IQSEC1: variants seen among roughly 807,000 people sequenced by gnomAD.
IQSEC1 encodes IQ motif and SEC7 domain-containing protein 1.
A neutral mutation model predicts 91.0 loss-of-function variants in IQSEC1; 31 were observed. That is an observed-to-expected ratio of 0.34 (90% CI 0.26 to 0.46). The LOEUF (loss-of-function observed/expected upper bound fraction) is 0.46. Ranked by LOEUF, IQSEC1 falls within the 20% of genes least tolerant of loss-of-function variation. IQSEC1 has a pLI of 1.00. For synonymous variants in IQSEC1, 699 were observed against 662.6 expected (o/e 1.05, Z -0.84); for missense variants, 1,388 against 1,575.6 (o/e 0.88, Z 2.02).
At chr3:13,079,268 G>T (rs748941105) in intron 2 of IQSEC1, among the ~76,000 whole-genome samples, 1 of 152,188 alleles carries the variant, frequency 6.6e-6, no homozygotes, top group African/African-American at 2.4e-5. Flanking sequence ...TAAACCTCAC[G>T]CTCCATCTGC....
At chr3:12,976,610 G>A (rs1012048076) in intron 1 of IQSEC1, among the ~76,000 whole-genome samples, 9 of 152,074 alleles carry the variant, frequency 5.9e-5, no homozygotes, top group Admixed American at 2.6e-4. Flanking sequence ...CTGAACCTTC[G>A]TCCACATTCT....
chr3:13,022,194 C>T lies in IQSEC1; in HGVS notation c.23+50798G>A, dbSNP rs185622084. The T allele has an allele frequency of 2.3e-5, 28 of 1,231,016 alleles. No individual in the cohort carries two copies. The South Asian group carries it at 3.7e-4, about 16-fold the overall frequency. The allele number at this position is 1,231,016 out of a possible 1,614,324, so 76.3% of individuals were successfully genotyped here. On this transcript the variant is annotated intron_variant, in intron 1 of 13. Transcript: ENST00000613206. ...CCTGGCCAGGGAACGGCTCTCTTCA[C>T]GGATTTTCAGGTCCCTTCCTTCTTC...
intron 1 of IQSEC1, among the ~76,000 whole-genome samples, chr3:13,175,242 C>A (rs190735479): frequency 1.3e-5 from 2 of 152,310 alleles, no homozygotes; most frequent in Non-Finnish European, 2.9e-5. Flanking sequence ...TACTTCACCT[C>A]TCTGGGCCCA....
intron 2 of IQSEC1, among the ~76,000 whole-genome samples, chr3:13,114,866 A>G (rs1706309871): frequency 6.6e-6 from 1 of 151,302 alleles, no homozygotes; most frequent in Non-Finnish European, 1.5e-5. Context: ...CAAAGAGAAG[A>G]GCCAAGCACT....
rs1702136410 is a variant in IQSEC1 at position 12,994,375 on chromosome 3, G to A, written c.24-52510C>T. 6.6e-6 allele frequency among the ~76,000 whole-genome samples: 1 copy of A among 151,836 alleles called. No homozygotes were observed. The highest frequency in any genetic ancestry group is 2.1e-4 in the South Asian group (1 of 4,832). On this transcript the variant is annotated intron_variant, in intron 1 of 13. Coordinates refer to ENST00000613206, the MANE Select transcript of IQSEC1 (RefSeq NM_001134382.3). This position sits in a 1 kb window ranked among gnomAD's most constrained non-coding sequence, Gnocchi z 4.5. ...GCTGTGCTAGGGGGCGGGGAGGACG[G>A]TGCCGCCCCGGCCGCCGACGTCACC...
intron 1 of IQSEC1, among the ~76,000 whole-genome samples, chr3:13,164,959 T>C (rs1693458933): frequency 1.3e-5 from 2 of 152,198 alleles, no homozygotes; most frequent in South Asian, 4.1e-4. Context: ...GTCTTTTTGT[T>C]CATTGCCTTT....
At chr3:13,274,718 G>A (rs1486821710) in intron 1 of IQSEC1, among the ~76,000 whole-genome samples, 1 of 152,148 alleles carries the variant, frequency 6.6e-6, no homozygotes, top group Admixed American at 6.5e-5. Flanking sequence ...AGGAACACCC[G>A]GCACTGGCTG....
chr3:13,115,087 T>C (rs1706313478), intron 2 of IQSEC1, among the ~76,000 whole-genome samples: 1 of 152,162 alleles, frequency 6.6e-6, no homozygotes, highest in South Asian at 2.1e-4. Context: ...TGTAGAGCCA[T>C]GGAATGTGGA....
At chr3:13,009,039 C>G (rs1392558610) in intron 1 of IQSEC1, among the ~76,000 whole-genome samples, 1 of 152,228 alleles carries the variant, frequency 6.6e-6, no homozygotes, top group Non-Finnish European at 1.5e-5. Context: ...CAGCCCTTTT[C>G]CTCTCCAGGG....
intron 1 of IQSEC1, among the ~76,000 whole-genome samples, chr3:13,208,834 C>A (rs1044619729): frequency 3.9e-5 from 6 of 152,236 alleles, no homozygotes; most frequent in African/African-American, 1.4e-4. Context: ...GCAGCATGCA[C>A]CCCTGCGTGC....
chr3:13,171,574 T>C lies in IQSEC1; in HGVS notation c.273-7441A>G, dbSNP rs975033396. Among the ~76,000 whole-genome samples the C allele has an allele frequency of 4.2e-4, 64 of 152,332 alleles. 1 individual carries two copies. Among genetic ancestry groups the C allele is most frequent in the African/African-American group, 1.5e-3 (63 of 41,574 alleles). Reference sequence around the variant, plus strand: ...AACCTCAAACTCAGGGATGTTGTTATAAATTCAAAATAGGTACCCGAAGAC... The same window carrying C: ...AACCTCAAACTCAGGGATGTTGTTACAAATTCAAAATAGGTACCCGAAGAC... On this transcript the variant is annotated intron_variant, in intron 1 of 15. Coordinates refer to the IQSEC1 transcript ENST00000648114.
At chr3:12,944,409 T>C (rs1699029585) in intron 1 of IQSEC1, among the ~76,000 whole-genome samples, 1 of 152,202 alleles carries the variant, frequency 6.6e-6, no homozygotes, top group Admixed American at 6.5e-5. Flanking sequence ...CCCCAGAGCC[T>C]CAGGTTGCAG....
chr3:13,247,446 C>T (rs1418138248), intron 1 of IQSEC1, among the ~76,000 whole-genome samples: 1 of 152,220 alleles, frequency 6.6e-6, no homozygotes, highest in Non-Finnish European at 1.5e-5. Context: ...GTGGCCTCAC[C>T]TCCCTCATCG....
At chr3:13,077,527 T>A (rs1414510724), upstream of IQSEC1, among the ~76,000 whole-genome samples, 1 of 152,276 alleles carries the variant, frequency 6.6e-6, no homozygotes, top group Non-Finnish European at 1.5e-5. Context: ...GAAGACTGAA[T>A]CATGGAATCT....
intron 9 of IQSEC1, among the ~76,000 whole-genome samples, chr3:12,912,796 C>T (rs887910552): frequency 5.9e-5 from 9 of 152,344 alleles, no homozygotes; most frequent in East Asian, 3.9e-4. Context: ...CTTCTGCCCC[C>T]GTCTGGCTAG....
At chr3:12,931,524 C>G (rs1362255827) in intron 3 of IQSEC1, among the ~76,000 whole-genome samples, 2 of 152,220 alleles carry the variant, frequency 1.3e-5, no homozygotes, top group East Asian at 3.9e-4. Context: ...GGTCCAGGCT[C>G]TGCACAGGCC....
chr3:13,228,267 C>A lies in IQSEC1; in HGVS notation c.272+54444G>T, dbSNP rs564301505. The stretch of plus-strand genomic sequence containing the variant: ...AGGAACACACTGTACTAAGAACGTG[C>A]CAGAAGCCTCAAGATCACTAAAGAT... On this transcript the variant is annotated intron_variant, in intron 1 of 15. Coordinates refer to the IQSEC1 transcript ENST00000648114. Among the ~76,000 whole-genome samples the A allele has an allele frequency of 2.0e-5, 3 of 152,210 alleles. No homozygotes were observed. In the East Asian group the frequency reaches 5.8e-4, roughly 29 times the overall value.
At chr3:12,923,824 G>T (rs1423831881) in intron 4 of IQSEC1, among the ~76,000 whole-genome samples, 1 of 152,228 alleles carries the variant, frequency 6.6e-6, no homozygotes, top group Non-Finnish European at 1.5e-5. Context: ...AGGGCTGGGC[G>T]GCTAGAAGGG....
chr3:13,219,052 T>A (rs1023852095), intron 1 of IQSEC1, among the ~76,000 whole-genome samples: 3 of 152,194 alleles, frequency 2.0e-5, no homozygotes, highest in African/African-American at 7.2e-5. Flanking sequence ...TGGGCCACCA[T>A]GTCAGTCTCC....
Sources: allele counts gnomAD v4.1 joint callset (sites outside exome capture counted in the v4.1 genomes callset), GRCh38; gene constraint gnomAD v4.1.1; non-coding constraint Gnocchi (gnomAD v3.1); transcripts MANE v1.5; gene names NCBI Gene and HGNC (gene_info 2026-07-23, HGNC 2026-07-21).